SORCS2: variants seen among roughly 807,000 people sequenced by gnomAD.
SORCS2 encodes the protein VPS10 domain-containing receptor SorCS2.
SORCS2 carries 100 observed loss-of-function variants against 141.6 expected under a neutral mutation model. The observed-to-expected ratio is 0.71, with a 90% confidence interval of 0.60 to 0.83. The LOEUF (loss-of-function observed/expected upper bound fraction) is 0.83, where lower values mean the gene tolerates loss of function less well. Among genes scored for constraint, SORCS2 ranks in the 40% least tolerant of loss-of-function variants. The pLI is 0.00. For missense variants in SORCS2, 1,646 were observed against 1,560.2 expected, an observed-to-expected ratio of 1.05 and a Z score of -0.93; for synonymous variants, 789 against 676.9, an observed-to-expected ratio of 1.17 and a Z score of -2.57.
chr4:7,736,218 C>T (rs991016439), intron 25 of SORCS2, among the ~76,000 whole-genome samples: 1 of 152,028 alleles, frequency 6.6e-6, no homozygotes, highest in East Asian at 1.9e-4. Context: ...CCCTGGGGCC[C>T]GGCAGGGGCT....
intron 8 of SORCS2, among the ~76,000 whole-genome samples, chr4:7,671,701 T>C (rs1002392068): frequency 3.9e-5 from 6 of 152,284 alleles, no homozygotes; most frequent in Admixed American, 1.3e-4. Context: ...GAACGCAGTC[T>C]ATGGGAGCTT....
chr4:7,697,247 G>T lies in SORCS2; in HGVS notation c.1641G>T (p.Thr547=), dbSNP rs375993623. ...LVEYKEEMYI[T]SDCGHTWRQV... is the part of the protein sequence containing the mutation. ...AATATAAAGAAGAAATGTACATCACGTCAGACTGTGGTCACACCTGGCGGC... is the reference window on the plus strand; with the variant it reads ...AATATAAAGAAGAAATGTACATCACTTCAGACTGTGGTCACACCTGGCGGC... Residue 547 remains threonine, a synonymous_variant, in exon 12 of 27, where the codon ACG becomes ACT. Coordinates refer to ENST00000507866, the MANE Select transcript of SORCS2 (RefSeq NM_020777.3). 4.4e-6 allele frequency: 7 copies of T among 1,591,204 alleles called. No individual in the cohort carries two copies. In the African/African-American group the frequency reaches 6.7e-5, roughly 15 times the overall value.
At chr4:7,704,846 G>T (rs1725314373) in intron 14 of SORCS2, among the ~76,000 whole-genome samples, 4 of 152,176 alleles carry the variant, frequency 2.6e-5, no homozygotes, top group Admixed American at 1.3e-4. Context: ...TGAAGTGAAG[G>T]TTCCTCTGGG....
chr4:7,217,415 C>T (rs927085685), intron 1 of SORCS2, among the ~76,000 whole-genome samples: 2 of 152,184 alleles, frequency 1.3e-5, no homozygotes, highest in African/African-American at 4.8e-5. Flanking sequence ...GTAACCAACT[C>T]GCCTGGCTCG....
intron 1 of SORCS2, among the ~76,000 whole-genome samples, chr4:7,273,168 G>C (rs1577344305): frequency 1.3e-5 from 2 of 152,208 alleles, no homozygotes; most frequent in East Asian, 3.8e-4. Context: ...CATCCCTTAT[G>C]AATATTTACA....
rs58750056 is a variant in SORCS2 at position 7,409,491 on chromosome 4, C to A, written c.548+13136C>A. On this transcript the variant is annotated intron_variant, in intron 2 of 26. Transcript: ENST00000507866. ...AGTTTTCACGGCTGGGCTTGGTAGT[C>A]CTTCCTCCCTTGTCTCTGATGTCCT... 3.2e-3 allele frequency among the ~76,000 whole-genome samples: 491 copies of A among 152,282 alleles called. 4 individuals carry two copies. The highest frequency in any genetic ancestry group is 0.011 in the African/African-American group (442 of 41,554).
intron 1 of SORCS2, among the ~76,000 whole-genome samples, chr4:7,361,416 G>C (rs750519643): frequency 1.3e-5 from 2 of 152,194 alleles, no homozygotes; most frequent in Non-Finnish European, 2.9e-5. Context: ...TACAGCTGTT[G>C]CCCAAATTAG....
intron 3 of SORCS2, among the ~76,000 whole-genome samples, chr4:7,627,312 A>C (rs1719575562): frequency 6.6e-6 from 1 of 152,148 alleles, no homozygotes; most frequent in Non-Finnish European, 1.5e-5. Context: ...AAATTCCCTC[A>C]GCTAAGCAGA....
intron 1 of SORCS2, among the ~76,000 whole-genome samples, chr4:7,304,286 CA>C (rs1428437911): frequency 6.6e-6 from 1 of 152,176 alleles, no homozygotes; most frequent in Non-Finnish European, 1.5e-5. Flanking sequence ...CTGTGAGGCT[CA>C]AAACCCCCTT....
intron 1 of SORCS2, among the ~76,000 whole-genome samples, chr4:7,374,834 G>C (rs374464670): frequency 1.3e-5 from 2 of 152,302 alleles, no homozygotes; most frequent in East Asian, 1.9e-4. Context: ...GACCGCGGGT[G>C]GGGGGAGGCT....
chr4:7,410,949 CTTTTTT>C (rs5855962), intron 2 of SORCS2, among the ~76,000 whole-genome samples: 1 of 73,848 alleles, frequency 1.4e-5, no homozygotes, highest in East Asian at 5.0e-4. Flanking sequence ...TCTCTCCATC[CTTTTTT>C]TTTTTTTTTT....
intron 2 of SORCS2, among the ~76,000 whole-genome samples, chr4:7,499,220 C>G (rs1731814537): frequency 6.6e-6 from 1 of 152,130 alleles, no homozygotes; most frequent in African/African-American, 2.4e-5. Flanking sequence ...GTGTGCACGT[C>G]ACCCCCAGGA....
chr4:7,513,561 C>T (rs540929861), intron 2 of SORCS2, among the ~76,000 whole-genome samples: 7 of 152,312 alleles, frequency 4.6e-5, no homozygotes, highest in South Asian at 2.1e-4. Flanking sequence ...GAGACCCACT[C>T]GGTAGAAAGG....
chr4:7,692,996 C>G (rs993809427), intron 11 of SORCS2, among the ~76,000 whole-genome samples: 4 of 152,208 alleles, frequency 2.6e-5, no homozygotes, highest in Non-Finnish European at 5.9e-5. Context: ...AAGACAAAAA[C>G]TTGACTTTTA....
intron 1 of SORCS2, among the ~76,000 whole-genome samples, chr4:7,331,141 T>G (rs1483541867): frequency 6.6e-6 from 1 of 151,730 alleles, no homozygotes; most frequent in East Asian, 1.9e-4. Context: ...GTGGAGGAAC[T>G]GGTGAGGAGG....
intron 1 of SORCS2, among the ~76,000 whole-genome samples, chr4:7,291,141 A>G (rs1716574651): frequency 6.6e-6 from 1 of 152,112 alleles, no homozygotes; most frequent in African/African-American, 2.4e-5. Context: ...TGTCTAAGGC[A>G]GAGGCACCTG....
chr4:7,679,952 C>A (rs1560478301), intron 9 of SORCS2, among the ~76,000 whole-genome samples: 1 of 152,116 alleles, frequency 6.6e-6, no homozygotes, highest in Non-Finnish European at 1.5e-5. Context: ...TGGCAGTTAC[C>A]CAATAACACA....
intron 11 of SORCS2, among the ~76,000 whole-genome samples, chr4:7,691,454 C>T (rs976923836): frequency 2.0e-5 from 3 of 152,066 alleles, no homozygotes; most frequent in Non-Finnish European, 4.4e-5. Context: ...CTGGGTCTGA[C>T]GGCAGAGACC....
chr4:7,654,993 G>C (rs544119828), intron 5 of SORCS2, among the ~76,000 whole-genome samples: 1 of 152,286 alleles, frequency 6.6e-6, no homozygotes, highest in Non-Finnish European at 1.5e-5. Flanking sequence ...AGAAATGTCT[G>C]TGGGATGCAT....
Sources: gnomAD v4.1 joint callset for allele counts (sites outside exome capture counted in the v4.1 genomes callset) on GRCh38, gnomAD v4.1.1 for gene constraint, MANE v1.5 for transcripts, NCBI Gene and HGNC (gene_info 2026-07-23, HGNC 2026-07-21) for gene names.